Variants in ADCY5 observed in about 807,000 individuals in gnomAD.
The protein encoded by ADCY5 is adenylate cyclase type 5.
Under a neutral mutation model 119.7 loss-of-function variants are expected in ADCY5, and 30 were observed. The ratio of observed to expected loss-of-function variants is 0.25; its 90% CI spans 0.19 to 0.34. The LOEUF is 0.34. Ranked by LOEUF, ADCY5 falls within the 10% of genes least tolerant of loss-of-function variation. The pLI is 1.00. For missense variants in ADCY5, 1,324 were observed against 1,775.2 expected (o/e 0.75, Z 4.57); for synonymous variants, 753 against 762.2 (o/e 0.99, Z 0.20).
In ADCY5 at chr3:123,325,420, T is replaced by C. The variant is rs1489053104; in HGVS notation, c.1990A>G (p.Thr664Ala). Residue 664 changes from threonine to alanine, a missense_variant, in exon 8 of 21, where the codon ACC (threonine) becomes GCC (alanine). Physicochemically the swap from Thr to Ala is moderately conservative, Grantham distance 58. Coordinates refer to ENST00000462833, the MANE Select transcript of ADCY5 (RefSeq NM_183357.3). ...GGTGGGTTGTGCCCGATGGAGTTGG[T>C]TCTCTGGCGGTTCATCTTGGCGATC... is the stretch of plus-strand genomic sequence containing the variant. ...AMIAKMNRQR[T>A]NSIGHNPPHW... The C allele has an allele frequency of 3.1e-6, 5 of 1,614,152 alleles. No homozygotes were observed. Among genetic ancestry groups the C allele is most frequent in the Non-Finnish European group, 4.2e-6 (5 of 1,180,008 alleles).
At position 123,352,724 on chromosome 3, in the gene ADCY5, C is replaced by T; in HGVS notation, c.1135-143G>A. ...AGGGCACCCCACACGCGGCCAACCA[C>T]TGTGAGCAGCCGAGCATAATCGATC... On this transcript the variant is annotated intron_variant, in intron 1 of 20. Coordinates refer to ENST00000462833, the MANE Select transcript of ADCY5 (RefSeq NM_183357.3). This position sits in a 1 kb window ranked among gnomAD's most constrained non-coding sequence, Gnocchi z 4.8. 3.1e-6 allele frequency: 3 copies of T among 955,628 alleles called. No individual in the cohort carries two copies. The highest frequency in any genetic ancestry group is 4.5e-6 in the Non-Finnish European group (3 of 663,524). 59.2% of individuals were successfully genotyped at this position (955,628 alleles called of 1,614,324 possible).
intron 16 of ADCY5, 117 bp downstream of exon 16, chr3:123,297,236 T>C: frequency 1.4e-6 from 2 of 1,461,676 alleles, no homozygotes; most frequent in Non-Finnish European, 1.9e-6. Flanking sequence ...CCTGTTGGCC[T>C]TCTCCTTCAC....
chr3:123,357,642 A>T (rs1482692217), intron 1 of ADCY5, among the ~76,000 whole-genome samples: 1 of 152,138 alleles, frequency 6.6e-6, no homozygotes, highest in Non-Finnish European at 1.5e-5. Context: ...GTCTTGAGCA[A>T]GGCTATTGGA....
At chr3:123,385,394 G>T (rs1011377885) in intron 1 of ADCY5, among the ~76,000 whole-genome samples, 1 of 152,194 alleles carries the variant, frequency 6.6e-6, no homozygotes, top group South Asian at 2.1e-4. Flanking sequence ...AAAGGAGAGG[G>T]AGGGAACGTT....
intron 12 of ADCY5, among the ~76,000 whole-genome samples, chr3:123,313,587 G>A (rs1017787773): frequency 6.6e-6 from 1 of 152,194 alleles, no homozygotes; most frequent in Non-Finnish European, 1.5e-5. Context: ...AGGAACATAA[G>A]TGGTTTCTAC....
chr3:123,342,074 G>C (rs1942311500), intron 3 of ADCY5, among the ~76,000 whole-genome samples: 1 of 152,136 alleles, frequency 6.6e-6, no homozygotes, highest in South Asian at 2.1e-4. Context: ...GGGATTACAA[G>C]TATGAACCAT....
intron 7 of ADCY5, among the ~76,000 whole-genome samples, chr3:123,326,834 G>A (rs112578364): frequency 0.019 from 2,842 of 152,260 alleles, 44 homozygotes; most frequent in Admixed American, 0.03. Context: ...CAACAGCCCT[G>A]CCTGCCTCCC....
Position 123,300,137 on chromosome 3 carries a change from C to A in ADCY5, c.2883G>T (p.Leu961=), listed in dbSNP as rs759787391. The A allele has an allele frequency of 4.8e-5, 78 of 1,613,738 alleles. No homozygotes were observed. Among genetic ancestry groups the A allele is most frequent in the Non-Finnish European group, 6.3e-5 (74 of 1,180,022 alleles). ...GVTLFDNADL[L]VTANAIDFFN... Reference sequence around the variant, plus strand: ...CCCCATACATGGCGTTGGCGGTGACCAGCAGGTCGGCGTTGTCGAAGAGCG... The same window carrying A: ...CCCCATACATGGCGTTGGCGGTGACAAGCAGGTCGGCGTTGTCGAAGAGCG... The change falls in exon 15 of 21, where the codon CTG becomes CTT. Residue 961 remains leucine, a synonymous_variant. Transcript: ENST00000462833.
At chr3:123,355,704 A>C (rs1943015452) in intron 1 of ADCY5, among the ~76,000 whole-genome samples, 1 of 152,148 alleles carries the variant, frequency 6.6e-6, no homozygotes, top group Admixed American at 6.5e-5. Context: ...ACTGAAAGCT[A>C]TGAAACACTG....
intron 1 of ADCY5, among the ~76,000 whole-genome samples, chr3:123,389,685 G>A (rs1944346026): frequency 6.6e-6 from 1 of 152,088 alleles, no homozygotes; most frequent in Admixed American, 6.5e-5. Flanking sequence ...CACTAACCCT[G>A]AGGTTAGAAA....
At position 123,286,040 on chromosome 3, in the gene ADCY5, G is replaced by C. The variant is rs547071601; in HGVS notation, c.3657+645C>G. ...AGCTGACCTCCCACAGCCTCACAGAGAACTGGGGGTGAGGGCCGTGCAGGA... is the reference window on the plus strand; with the variant it reads ...AGCTGACCTCCCACAGCCTCACAGACAACTGGGGGTGAGGGCCGTGCAGGA... On this transcript the variant is annotated intron_variant, in intron 20 of 20. Transcript: ENST00000462833. The surrounding 1 kb of genome is among the most constrained non-coding windows in gnomAD (Gnocchi z 4.2). Among the ~76,000 whole-genome samples, 1 of 152,212 alleles carries C rather than the reference G, an allele frequency of 6.6e-6. No individual in the cohort carries two copies. Among genetic ancestry groups the C allele is most frequent in the Non-Finnish European group, 1.5e-5 (1 of 68,040 alleles).
Position 123,448,179 on chromosome 3 carries a change from C to G in ADCY5, c.367G>C (p.Ala123Pro), listed in dbSNP as rs1945863729. 1 of 1,188,644 alleles carries G rather than the reference C, an allele frequency of 8.4e-7. No homozygotes were observed. Among genetic ancestry groups the G allele is most frequent in the Non-Finnish European group, 1.0e-6 (1 of 961,658 alleles). 73.6% of individuals were successfully genotyped at this position (1,188,644 alleles called of 1,614,324 possible). A position where few individuals can be genotyped will look rare whatever the true frequency, so the allele number is the denominator to read the frequency against. ...RGSRRQRRGA[A>P]SGGSTRAPPA... ...GGCGCCCGGGTGCTGCCCCCGCTGG[C>G]CGCGCCCCGCCGCTGCCGGCGGCTG... The change falls in exon 1 of 21, where the codon GCC becomes CCC. Residue 123 changes from alanine to proline, a missense_variant. Ala to Pro is a conservative substitution (Grantham distance 27). Coordinates refer to ENST00000462833, the MANE Select transcript of ADCY5 (RefSeq NM_183357.3).
intron 3 of ADCY5, among the ~76,000 whole-genome samples, chr3:123,343,187 G>A (rs1942369923): frequency 6.6e-6 from 1 of 152,202 alleles, no homozygotes; most frequent in Non-Finnish European, 1.5e-5. Context: ...ATTGCTTAGT[G>A]TCTTCTCTAA....
intron 1 of ADCY5, among the ~76,000 whole-genome samples, chr3:123,360,072 T>C (rs1943194191): frequency 6.6e-6 from 1 of 151,820 alleles, no homozygotes; most frequent in African/African-American, 2.4e-5. Flanking sequence ...TTTTTTTTTT[T>C]TAACTATTAC....
chr3:123,396,759 A>C (rs574249500), intron 1 of ADCY5, among the ~76,000 whole-genome samples: 5 of 97,252 alleles, frequency 5.1e-5, no homozygotes, highest in East Asian at 3.1e-4. Flanking sequence ...GGAAGGAAGG[A>C]AGGAAGGAAG....
At chr3:123,345,661 G>C (rs561098249) in intron 3 of ADCY5, among the ~76,000 whole-genome samples, 1 of 152,132 alleles carries the variant, frequency 6.6e-6, no homozygotes, top group African/African-American at 2.4e-5. Context: ...TGTCCTAAGG[G>C]GGAGACCCCT....
At chr3:123,317,777 TCATG>T (rs1430546401) in intron 11 of ADCY5, among the ~76,000 whole-genome samples, 1 of 151,550 alleles carries the variant, frequency 6.6e-6, no homozygotes, top group Non-Finnish European at 1.5e-5. Context: ...GAAGCATCTT[TCATG>T]CAGCTGTGCA....
At chr3:123,430,701 T>C (rs1945507039) in intron 1 of ADCY5, among the ~76,000 whole-genome samples, 1 of 152,196 alleles carries the variant, frequency 6.6e-6, no homozygotes, top group Non-Finnish European at 1.5e-5. Context: ...AATCCACATG[T>C]GGTCATTCGT....
At chr3:123,426,310 G>GTTTTTTTT (rs1176718980) in intron 1 of ADCY5, among the ~76,000 whole-genome samples, 1 of 46,744 alleles carries the variant, frequency 2.1e-5, no homozygotes. Flanking sequence ...TTTTTTTTTT[G>GTTTTTTTT]TTTGTTTTTG....
Sources: allele counts gnomAD v4.1 joint callset (sites outside exome capture counted in the v4.1 genomes callset), GRCh38; gene constraint gnomAD v4.1.1; non-coding constraint Gnocchi (gnomAD v3.1); transcripts MANE v1.5; gene names NCBI Gene and HGNC (gene_info 2026-07-23, HGNC 2026-07-21).